COL5A3: variants seen among roughly 807,000 people sequenced by gnomAD.
The protein encoded by COL5A3 is collagen type V alpha 3 chain.
A neutral mutation model predicts 250.0 loss-of-function variants in COL5A3; 172 were observed. The ratio of observed to expected loss-of-function variants is 0.69; its 90% CI spans 0.61 to 0.78. The LOEUF is 0.78. COL5A3 is among the 30% of genes least tolerant of loss of function. The probability of loss-of-function intolerance (pLI) is 0.00; values close to 1 mark genes in which losing one functional copy is unlikely to be tolerated. For synonymous variants in COL5A3, 937 were observed against 900.4 expected (o/e 1.04, Z -0.73); for missense variants, 2,340 against 2,334.4 (o/e 1.00, Z -0.05).
chr19:9,987,105 C>G (rs187183674), intron 27 of COL5A3, among the ~76,000 whole-genome samples: 2 of 152,316 alleles, frequency 1.3e-5, no homozygotes, highest in East Asian at 3.9e-4. Flanking sequence ...CCCATTGTGC[C>G]AGCTACAAGG....
Position 9,985,753 on chromosome 19 carries a change from C to T in COL5A3, c.2406+89G>A, listed in dbSNP as rs139315345. On this transcript the variant is annotated intron_variant, in intron 31 of 66. Transcript: ENST00000264828. ...TCAGTGACCCTTGGGGTGGGCAGCTCATCCCCCAAGACCACAGCCTGGACC... is the reference window on the plus strand; with the variant it reads ...TCAGTGACCCTTGGGGTGGGCAGCTTATCCCCCAAGACCACAGCCTGGACC... 4.0e-4 allele frequency: 492 copies of T among 1,233,914 alleles called. 1 individual carries two copies. The East Asian group carries it at 0.01, about 26-fold the overall frequency. The allele number at this position is 1,233,914 out of a possible 1,614,324, so 76.4% of individuals were successfully genotyped here. A position where few individuals can be genotyped will look rare whatever the true frequency, so the allele number is the denominator to read the frequency against.
chr19:9,965,155 T>TC (rs1555733412), intron 64 of COL5A3, among the ~76,000 whole-genome samples: 2 of 95,250 alleles, frequency 2.1e-5, no homozygotes, highest in Non-Finnish European at 4.9e-5. Flanking sequence ...CTTTTCTTTT[T>TC]CTTTTTTTTT....
At chr19:9,971,107 C>T in intron 52 of COL5A3, 79 bp from the exon 53 acceptor site, 7 of 1,418,708 alleles carry the variant, frequency 4.9e-6, no homozygotes, top group Non-Finnish European at 6.6e-6. Flanking sequence ...GGCAAAAGAA[C>T]GTTTTTGGTT....
chr19:9,979,440 G>A, intron 37 of COL5A3, 23 bp from the exon 38 acceptor site: 4 of 1,613,798 alleles, frequency 2.5e-6, no homozygotes, highest in Non-Finnish European at 2.5e-6. Context: ...ATTAAATGTG[G>A]GGGCGGTGTT....
rs561929501 is a variant in COL5A3 at position 9,961,780 on chromosome 19, G to A, written c.4852-890C>T. On this transcript the variant is annotated intron_variant, in intron 65 of 66. Coordinates refer to ENST00000264828, the MANE Select transcript of COL5A3 (RefSeq NM_015719.4). ...TCACCATGTTAGCCAGGATGGTCTC[G>A]ATCTCCTGACCTCGTGATCCGCCCA... 1.2e-3 allele frequency among the ~76,000 whole-genome samples: 186 copies of A among 152,018 alleles called. 1 individual carries two copies. The Middle Eastern group carries it at 0.014, about 11-fold the overall frequency.
rs1216241520 is a variant in COL5A3 at position 9,979,826 on chromosome 19, A to G, written c.2712+13T>C. 4 of 1,564,018 alleles carry G rather than the reference A, an allele frequency of 2.6e-6. No individual in the cohort carries two copies. The highest frequency in any genetic ancestry group is 3.5e-6 in the Non-Finnish European group (4 of 1,154,400). Reference sequence around the variant, plus strand: ...AAAAAGGATCAGGAATCAAAGGTTGAGGGGTTACTCACCAGTTCTCCTCTC... The same window carrying G: ...AAAAAGGATCAGGAATCAAAGGTTGGGGGGTTACTCACCAGTTCTCCTCTC... On this transcript the variant is annotated intron_variant, in intron 37 of 66. Transcript: ENST00000264828.
At position 9,974,635 on chromosome 19, in the gene COL5A3, G is replaced by A. The variant is rs1235570371; in HGVS notation, c.3343-227C>T. Among the ~76,000 whole-genome samples the A allele has an allele frequency of 2.6e-5, 4 of 152,240 alleles. No individual in the cohort carries two copies. In the South Asian group the frequency reaches 8.3e-4, roughly 32 times the overall value. On this transcript the variant is annotated intron_variant, in intron 45 of 66. Transcript: ENST00000264828. ...ACAGTGAGTCGGATTTGCAGTTGAG[G>A]TTCAGTTCTTGGGCAGGGTTCAACT...
chr19:9,996,178 GC>G (rs1189541124), intron 14 of COL5A3, 27 bp downstream of exon 14: 12 of 1,556,034 alleles, frequency 7.7e-6, no homozygotes, highest in Non-Finnish European at 9.5e-6. Flanking sequence ...TGCATGCACC[GC>G]CCCCTCCACG....
At position 9,960,574 on chromosome 19, in the gene COL5A3, CAG is replaced by C. The variant is rs780682063; in HGVS notation, c.5092-19_5092-18del. On this transcript the variant is annotated intron_variant, in intron 66 of 66. Transcript: ENST00000264828. ...TTTCCGGAGCTGTCCCCAGAGAAGACAGAGACGGTGAGTTACCGGGAAGGTGG... is the reference window on the plus strand; with the variant it reads ...TTTCCGGAGCTGTCCCCAGAGAAGACAGACGGTGAGTTACCGGGAAGGTGG... 1 of 1,614,068 alleles carries C rather than the reference CAG, an allele frequency of 6.2e-7. No homozygotes were observed. Among genetic ancestry groups the C allele is most frequent in the Middle Eastern group, 1.6e-4 (1 of 6,062 alleles).
intron 8 of COL5A3, among the ~76,000 whole-genome samples, chr19:9,999,488 G>C (rs1283178099): frequency 6.2e-5 from 5 of 80,892 alleles, no homozygotes; most frequent in Non-Finnish European, 8.7e-5. Flanking sequence ...TTTTTTTTGA[G>C]ACAGAGTCTC....
At position 9,986,392 on chromosome 19, in the gene COL5A3, C is replaced by T; in HGVS notation, c.2275G>A (p.Glu759Lys). The part of the protein sequence containing the change: ...GKPGAPGPRG[E>K]DGPEGPKGQA... ...CCCTTCGGCCCCTCAGGACCATCCT[C>T]TCCCCGGGGACCTGGAGCTCCGGGT... The change falls in exon 30 of 67, where the codon GAG becomes AAG. Residue 759 changes from glutamate (E) to lysine (K), a missense_variant. Transcript: ENST00000264828. 1 of 1,611,764 alleles carries T rather than the reference C, an allele frequency of 6.2e-7. No individual in the cohort carries two copies.
At chr19:9,994,541 A>G (rs1249604493) in intron 16 of COL5A3, among the ~76,000 whole-genome samples, 4 of 131,468 alleles carry the variant, frequency 3.0e-5, no homozygotes, top group Non-Finnish European at 6.4e-5. Flanking sequence ...CCCAGGCTGG[A>G]GTTACATATA....
In COL5A3 at chr19:9,977,711, G is replaced by A. The variant is rs2086943963; in HGVS notation, c.3019-10C>T. On this transcript the variant is annotated splice_polypyrimidine_tract_variant and intron_variant, in intron 41 of 66. Transcript: ENST00000264828. The stretch of plus-strand genomic sequence containing the variant: ...GCTCACCAGGGGAGCCCTGAGAACA[G>A]GGGTGATGAATCAGGTATAATACCA... 6.4e-7 allele frequency: 1 copy of A among 1,556,848 alleles called. No individual in the cohort carries two copies. Among genetic ancestry groups the A allele is most frequent in the Non-Finnish European group, 8.7e-7 (1 of 1,152,906 alleles).
At chr19:10,002,345 G>A (rs1192845738) in intron 6 of COL5A3, among the ~76,000 whole-genome samples, 1 of 152,044 alleles carries the variant, frequency 6.6e-6, no homozygotes, top group Non-Finnish European at 1.5e-5. Context: ...AGGGGCTGAA[G>A]AGGGGCCCAC....
intron 64 of COL5A3, 70 bp from the exon 65 acceptor site, chr19:9,962,957 C>T (rs977939874): frequency 6.4e-5 from 73 of 1,147,968 alleles, no homozygotes; most frequent in South Asian, 2.1e-4. Context: ...CTGCATTTCC[C>T]TCCTCACACA....
At position 9,968,300 on chromosome 19, in the gene COL5A3, C is replaced by A; in HGVS notation, c.4314+85G>T. 8.3e-7 allele frequency: 1 copy of A among 1,203,454 alleles called. No homozygotes were observed. Among genetic ancestry groups the A allele is most frequent in the Non-Finnish European group, 1.2e-6 (1 of 834,712 alleles). 74.5% of individuals were successfully genotyped at this position (1,203,454 alleles called of 1,614,324 possible). On this transcript the variant is annotated intron_variant, in intron 59 of 66. Coordinates refer to ENST00000264828, the MANE Select transcript of COL5A3 (RefSeq NM_015719.4). This position sits in a 1 kb window ranked among gnomAD's most constrained non-coding sequence, Gnocchi z 4.1. ...ACACACACCCTCATTAATCCAGACC[C>A]ACGTTTCCCAGACCCCACACCCACA...
At chr19:9,993,575 TG>T in intron 18 of COL5A3, 43 bp downstream of exon 18, 1 of 1,607,388 alleles carries the variant, frequency 6.2e-7, no homozygotes, top group South Asian at 1.1e-5. Context: ...GCTTGAATAT[TG>T]GGAGGAGGGC....
intron 37 of COL5A3, 88 bp from the exon 38 acceptor site, chr19:9,979,505 A>C: frequency 7.0e-7 from 1 of 1,420,228 alleles, no homozygotes; most frequent in Non-Finnish European, 9.9e-7. Context: ...AGGATCAGGA[A>C]TCTGGCCGGT....
chr19:10,009,765 C>T lies in COL5A3; in HGVS notation c.88+533G>A, dbSNP rs543194424. 6.6e-5 allele frequency among the ~76,000 whole-genome samples: 10 copies of T among 152,218 alleles called. No homozygotes were observed. The South Asian group carries it at 2.1e-3, about 32-fold the overall frequency. On this transcript the variant is annotated intron_variant, in intron 1 of 66. Coordinates refer to ENST00000264828, the MANE Select transcript of COL5A3 (RefSeq NM_015719.4). This position sits in a 1 kb window ranked among gnomAD's most constrained non-coding sequence, Gnocchi z 4.4. The stretch of plus-strand genomic sequence containing the variant: ...ACCCCCCAATACTTGTCCCCACCCA[C>T]CTTCATCCTCATGGGCAATTATTTG...
Sources: allele counts gnomAD v4.1 joint callset (sites outside exome capture counted in the v4.1 genomes callset), GRCh38; gene constraint gnomAD v4.1.1; non-coding constraint Gnocchi (gnomAD v3.1); transcripts MANE v1.5; gene names NCBI Gene and HGNC (gene_info 2026-07-23, HGNC 2026-07-21).